The following DNAH11 variants were observed in gnomAD, a reference collection of about 807,000 sequenced individuals.
The protein encoded by DNAH11 is dynein axonemal heavy chain 11.
DNAH11 carries 442 observed loss-of-function variants against 526.0 expected under a neutral mutation model. The ratio of observed to expected loss-of-function variants is 0.84; its 90% CI spans 0.78 to 0.91. The LOEUF (loss-of-function observed/expected upper bound fraction) is 0.91. DNAH11 is among the 40% of genes least tolerant of loss of function. The probability of loss-of-function intolerance (pLI) is 0.00; values close to 1 mark genes in which losing one functional copy is unlikely to be tolerated. For missense variants in DNAH11, 6,989 were observed against 5,448.7 expected (o/e 1.28, Z -8.90); for synonymous variants, 2,461 against 1,935.9 (o/e 1.27, Z -7.12).
At chr7:21,811,922 C>T (rs963654700) in intron 63 of DNAH11, among the ~76,000 whole-genome samples, 8 of 152,070 alleles carry the variant, frequency 5.3e-5, no homozygotes, top group African/African-American at 1.9e-4. Context: ...CTACATTTCC[C>T]ATCAAAAAAG....
intron 14 of DNAH11, among the ~76,000 whole-genome samples, chr7:21,598,634 A>T (rs1452254914): frequency 6.7e-6 from 1 of 149,318 alleles, no homozygotes; most frequent in African/African-American, 2.5e-5. Context: ...AATTGTGCTT[A>T]AACAAGGTCT....
In DNAH11 at chr7:21,617,795, C is replaced by G; in HGVS notation, c.4254+18C>G. 1 of 1,556,614 alleles carries G rather than the reference C, an allele frequency of 6.4e-7. No individual in the cohort carries two copies. The highest frequency in any genetic ancestry group is 1.4e-5 in the African/African-American group (1 of 72,662). ...CTATTGGGGTCAGTATCCTTGGTCTCACTAATGAACCTTTTTATGACTGTG... is the reference window on the plus strand; with the variant it reads ...CTATTGGGGTCAGTATCCTTGGTCTGACTAATGAACCTTTTTATGACTGTG... On this transcript the variant is annotated intron_variant, in intron 23 of 81. Transcript: ENST00000409508.
chr7:21,866,347 G>T, intron 70 of DNAH11, 123 bp from the exon 71 acceptor site: 17 of 733,750 alleles, frequency 2.3e-5, no homozygotes, highest in South Asian at 3.8e-5. Context: ...GAAATCTGAA[G>T]AGGAGAGTGA....
chr7:21,732,014 G>T (rs1785408032), intron 45 of DNAH11, among the ~76,000 whole-genome samples: 1 of 152,112 alleles, frequency 6.6e-6, no homozygotes, highest in African/African-American at 2.4e-5. Flanking sequence ...AGTATATATG[G>T]GGTTCTGTAC....
chr7:21,635,991 C>A lies in DNAH11; in HGVS notation c.4621C>A (p.Arg1541=), dbSNP rs757013900. ...LVIFTWMEVQ[R]TWSHLESIFV... is the part of the protein sequence containing the mutation. The stretch of plus-strand genomic sequence containing the variant: ...CATCTTCACTTGGATGGAAGTCCAG[C>A]GAACTTGGTCTCACCTGGAAAGCAT... The change falls in exon 26 of 82, where the codon CGA becomes AGA. Residue 1541 remains arginine (R), a synonymous_variant. Coordinates refer to ENST00000409508, the MANE Select transcript of DNAH11 (RefSeq NM_001277115.2). 1 of 1,613,622 alleles carries A rather than the reference C, an allele frequency of 6.2e-7. No individual in the cohort carries two copies. Among genetic ancestry groups the A allele is most frequent in the Non-Finnish European group, 8.5e-7 (1 of 1,179,724 alleles).
intron 61 of DNAH11, among the ~76,000 whole-genome samples, chr7:21,797,156 G>A (rs2127991681): frequency 6.6e-6 from 1 of 151,884 alleles, no homozygotes; most frequent in East Asian, 1.9e-4. Flanking sequence ...AAAATATTTT[G>A]GAAACTTAAT....
chr7:21,872,141 A>AAAAACAAACAAAC (rs1783526191), intron 73 of DNAH11, among the ~76,000 whole-genome samples: 1 of 147,282 alleles, frequency 6.8e-6, no homozygotes, highest in African/African-American at 2.5e-5. Context: ...AAAAAAAAAA[A>AAAAACAAACAAAC]AAAAAAAACC....
chr7:21,622,876 C>G (rs1786141531), intron 25 of DNAH11, among the ~76,000 whole-genome samples: 1 of 152,116 alleles, frequency 6.6e-6, no homozygotes, highest in African/African-American at 2.4e-5. Flanking sequence ...TAGAAGAAAA[C>G]CTAGGCATTA....
chr7:21,791,791 C>T (rs17145460), intron 61 of DNAH11, among the ~76,000 whole-genome samples: 1 of 151,952 alleles, frequency 6.6e-6, no homozygotes, highest in South Asian at 2.1e-4. Flanking sequence ...GTAAGTGTGC[C>T]GCAGTCATGA....
At chr7:21,731,067 C>T (rs1785362690) in intron 45 of DNAH11, among the ~76,000 whole-genome samples, 1 of 151,960 alleles carries the variant, frequency 6.6e-6, no homozygotes, top group Non-Finnish European at 1.5e-5. Context: ...TTGCTTGAAC[C>T]TGGGAGGCAG....
intron 61 of DNAH11, among the ~76,000 whole-genome samples, chr7:21,792,934 T>C (rs1452160952): frequency 6.6e-6 from 1 of 152,164 alleles, no homozygotes; most frequent in African/African-American, 2.4e-5. Context: ...TTTGTTCTTA[T>C]TATTTTAGTT....
At chr7:21,763,773 A>C (rs535995331) in intron 54 of DNAH11, among the ~76,000 whole-genome samples, 2 of 143,688 alleles carry the variant, frequency 1.4e-5, no homozygotes, top group Non-Finnish European at 3.0e-5. Context: ...TCAACAGGCA[A>C]CTAGATAATG....
At chr7:21,576,135 C>T (rs1032394266) in intron 8 of DNAH11, among the ~76,000 whole-genome samples, 10 of 151,890 alleles carry the variant, frequency 6.6e-5, no homozygotes, top group East Asian at 1.9e-4. Context: ...TACCTGCCAG[C>T]GATGGAGATT....
chr7:21,588,308 C>T, intron 10 of DNAH11, 107 bp downstream of exon 10: 1 of 1,396,682 alleles, frequency 7.2e-7, no homozygotes, highest in Non-Finnish European at 9.6e-7. Context: ...ATAGGCACTA[C>T]ATTTTTGTGC....
chr7:21,830,681 T>TA (rs145857793), intron 65 of DNAH11, among the ~76,000 whole-genome samples: 20,796 of 149,350 alleles, frequency 0.14, 1,680 homozygotes, highest in East Asian at 0.32. Context: ...TTTAGGTCCA[T>TA]AAAAAAAAAA....
In DNAH11 at chr7:21,862,938, C is replaced by T. The variant is rs140807423; in HGVS notation, c.11373+915C>T. Among the ~76,000 whole-genome samples the T allele has an allele frequency of 6.4e-3, 973 of 152,126 alleles. 13 individuals carry two copies. Among genetic ancestry groups the T allele is most frequent in the African/African-American group, 0.022 (928 of 41,508 alleles). The stretch of plus-strand genomic sequence containing the variant: ...AATTAGCCAGGCGTGGTGGCAGGCA[C>T]CTGTAGTCCCAGCTACTTGGGAAGC... On this transcript the variant is annotated intron_variant, in intron 69 of 81. Coordinates refer to ENST00000409508, the MANE Select transcript of DNAH11 (RefSeq NM_001277115.2).
chr7:21,605,723 G>T (rs1184865590), intron 18 of DNAH11, among the ~76,000 whole-genome samples: 1 of 151,986 alleles, frequency 6.6e-6, no homozygotes, highest in Non-Finnish European at 1.5e-5. Context: ...TTTTTCACTT[G>T]CTAAATTACT....
intron 25 of DNAH11, among the ~76,000 whole-genome samples, chr7:21,630,103 A>G (rs897788431): frequency 1.3e-5 from 2 of 151,874 alleles, no homozygotes; most frequent in African/African-American, 4.8e-5. Context: ...TGTGGTTACC[A>G]TGAGTCGTAG....
chr7:21,564,348 C>T lies in DNAH11; in HGVS notation c.1145C>T (p.Ala382Val). ...WSHSKFYNTP[A>V]RVIVLLQEFC... Reference sequence around the variant, plus strand: ...CATTCCAAGTTTTATAACACCCCAGCTCGGGTTATAGTTTTATTGCAAGAG... The same window carrying T: ...CATTCCAAGTTTTATAACACCCCAGTTCGGGTTATAGTTTTATTGCAAGAG... The change falls in exon 6 of 82, where the codon GCT (alanine) becomes GTT (valine). Residue 382 changes from alanine (A) to valine (V), a missense_variant. Ala to Val is a moderately conservative substitution (Grantham distance 64). Coordinates refer to ENST00000409508, the MANE Select transcript of DNAH11 (RefSeq NM_001277115.2). The T allele has an allele frequency of 6.2e-7, 1 of 1,613,452 alleles. No homozygotes were observed. The highest frequency in any genetic ancestry group is 8.5e-7 in the Non-Finnish European group (1 of 1,179,696).
Sources: allele counts gnomAD v4.1 joint callset (sites outside exome capture counted in the v4.1 genomes callset), GRCh38; gene constraint gnomAD v4.1.1; transcripts MANE v1.5; gene names NCBI Gene and HGNC (gene_info 2026-07-23, HGNC 2026-07-21).